The following AGR3 variants were observed in gnomAD, a reference collection of about 807,000 sequenced individuals.
The protein encoded by AGR3 is anterior gradient protein 3.
A neutral mutation model predicts 24.5 loss-of-function variants in AGR3; 37 were observed. The ratio of observed to expected loss-of-function variants is 1.51; its 90% CI spans 1.16 to 1.99. The LOEUF (loss-of-function observed/expected upper bound fraction) is 1.99, where lower values mean the gene tolerates loss of function less well. Ranked by LOEUF, AGR3 falls within the 30% of genes most tolerant of loss-of-function variation. The pLI is 0.00. For missense variants in AGR3, 228 were observed against 191.1 expected (o/e 1.19, Z -1.14); for synonymous variants, 75 against 61.6 (o/e 1.22, Z -1.02).
At chr7:16,880,192 C>G (rs913244380) in intron 1 of AGR3, among the ~76,000 whole-genome samples, 3 of 100,574 alleles carry the variant, frequency 3.0e-5, no homozygotes, top group African/African-American at 1.1e-4. Flanking sequence ...TTTTTTTTTG[C>G]TCTTGTCACC....
At chr7:16,866,369 A>C (rs1162075495) in intron 3 of AGR3, 3 of 321,650 alleles carry the variant, frequency 9.3e-6, no homozygotes, top group African/African-American at 4.3e-5. Context: ...ACTATAATTC[A>C]CCTCCTTTAA....
At chr7:16,860,735 C>A (rs1350663447) in intron 6 of AGR3, 152 bp from the exon 7 acceptor site, 1 of 595,664 alleles carries the variant, frequency 1.7e-6, no homozygotes, top group African/African-American at 1.9e-5. Flanking sequence ...TGGGCTTCAG[C>A]TGAACCCAAC....
chr7:16,881,383 AAAT>A (rs1437816704), intron 1 of AGR3, among the ~76,000 whole-genome samples: 1 of 152,234 alleles, frequency 6.6e-6, no homozygotes, highest in East Asian at 1.9e-4. Context: ...GATTTTGAAT[AAAT>A]AACGCTTTCC....
At chr7:16,860,656 T>C in intron 6 of AGR3, 73 bp from the exon 7 acceptor site, 1 of 1,017,256 alleles carries the variant, frequency 9.8e-7, no homozygotes. Flanking sequence ...AAAAACTTAA[T>C]TATTATTTTA....
chr7:16,879,881 A>T (rs1466915994), intron 1 of AGR3, among the ~76,000 whole-genome samples: 2 of 152,204 alleles, frequency 1.3e-5, no homozygotes, highest in Non-Finnish European at 2.9e-5. Context: ...GTGGTAAAGA[A>T]GTTTACAGAT....
intron 2 of AGR3, among the ~76,000 whole-genome samples, chr7:16,874,184 A>G (rs1248736094): frequency 1.3e-5 from 2 of 152,212 alleles, no homozygotes; most frequent in Admixed American, 6.5e-5. Flanking sequence ...GTAACAGTTC[A>G]TCTTTGCATA....
At chr7:16,858,934 C>T (rs1014499435), downstream of AGR3, among the ~76,000 whole-genome samples, 1 of 151,984 alleles carries the variant, frequency 6.6e-6, no homozygotes, top group African/African-American at 2.4e-5. Flanking sequence ...TTTTAAATGT[C>T]TAAGTGTAAA....
rs181819239 is a variant in AGR3 at position 16,874,640 on chromosome 7, C to T, written c.110-797G>A. On this transcript the variant is annotated intron_variant, in intron 2 of 7. Coordinates refer to ENST00000310398, the MANE Select transcript of AGR3 (RefSeq NM_176813.5). ...AGCAATATTTGGAAGTCAGTTTGGG[C>T]CCAGGTTTTCTTGTACATTTCAAAT... 1.2e-4 allele frequency among the ~76,000 whole-genome samples: 19 copies of T among 152,136 alleles called. No individual in the cohort carries two copies. In the East Asian group the frequency reaches 3.5e-3, roughly 28 times the overall value.
chr7:16,870,055 T>G (rs1184652380), intron 3 of AGR3, among the ~76,000 whole-genome samples: 1 of 152,014 alleles, frequency 6.6e-6, no homozygotes, highest in African/African-American at 2.4e-5. Context: ...AGTCTTTCTA[T>G]CCAAGAATAT....
At chr7:16,857,991 C>CTTT (rs58150058), downstream of AGR3, among the ~76,000 whole-genome samples, 423 of 144,072 alleles carry the variant, frequency 2.9e-3, 4 homozygotes, top group African/African-American at 9.9e-3. Flanking sequence ...AAAACATTTT[C>CTTT]TTTTTTTTTT....
chr7:16,865,968 CA>C, intron 3 of AGR3: 2 of 681,134 alleles, frequency 2.9e-6, no homozygotes, highest in Non-Finnish European at 5.5e-6. Context: ...TACCAGGTTT[CA>C]ACTTCTTCAA....
At chr7:16,865,690 A>G in intron 3 of AGR3, 1 of 797,244 alleles carries the variant, frequency 1.3e-6, no homozygotes, top group Non-Finnish European at 2.3e-6. Flanking sequence ...GTAACTTGTT[A>G]TACTTTGTTG....
chr7:16,878,451 G>C, intron 2 of AGR3, 59 bp downstream of exon 2: 1 of 1,460,312 alleles, frequency 6.8e-7, no homozygotes, highest in Non-Finnish European at 9.6e-7. Flanking sequence ...GAAGACACCA[G>C]ATATTTTAAA....
intron 2 of AGR3, among the ~76,000 whole-genome samples, chr7:16,876,997 T>C (rs575126459): frequency 6.6e-5 from 10 of 152,110 alleles, no homozygotes; most frequent in South Asian, 2.1e-4. Flanking sequence ...AGAGATAGAG[T>C]TATGTTTAGG....
chr7:16,866,257 A>G, intron 3 of AGR3: 1 of 530,692 alleles, frequency 1.9e-6, no homozygotes, highest in South Asian at 1.5e-5. Context: ...GGGTCAATCC[A>G]GTCTGTTACC....
chr7:16,872,414 A>G (rs1781900105), intron 3 of AGR3, among the ~76,000 whole-genome samples: 1 of 152,210 alleles, frequency 6.6e-6, no homozygotes, highest in South Asian at 2.1e-4. Context: ...ATGTAGAAGA[A>G]TGAAACTAGA....
At chr7:16,878,429 T>A in intron 2 of AGR3, 81 bp downstream of exon 2, 1 of 1,216,622 alleles carries the variant, frequency 8.2e-7, no homozygotes, top group Non-Finnish European at 1.2e-6. Context: ...GCTTTATAAT[T>A]AGACTATGAG....
At chr7:16,869,793 A>T (rs1027288511) in intron 3 of AGR3, among the ~76,000 whole-genome samples, 1 of 148,430 alleles carries the variant, frequency 6.7e-6, no homozygotes, top group Non-Finnish European at 1.5e-5. Context: ...TTATTTCTAT[A>T]CTTTTATTAT....
downstream of AGR3, among the ~76,000 whole-genome samples, chr7:16,858,407 A>G (rs1233300636): frequency 6.6e-6 from 1 of 152,122 alleles, no homozygotes; most frequent in Non-Finnish European, 1.5e-5. Context: ...CATGGTATTA[A>G]CTCTCTGGAG....
Sources: allele counts gnomAD v4.1 joint callset (sites outside exome capture counted in the v4.1 genomes callset), GRCh38; gene constraint gnomAD v4.1.1; transcripts MANE v1.5; gene names NCBI Gene and HGNC (gene_info 2026-07-23, HGNC 2026-07-21).